The following KY variants were observed in gnomAD, a reference collection of about 807,000 sequenced individuals.
KY encodes the protein kyphoscoliosis peptidase.
Under a neutral mutation model 76.1 loss-of-function variants are expected in KY, and 43 were observed. That is an observed-to-expected ratio of 0.57 (90% CI 0.44 to 0.73). The LOEUF is 0.73. KY is among the 30% of genes least tolerant of loss of function. The pLI, the probability that KY is intolerant of heterozygous loss-of-function variation, is 0.00. For missense variants in KY, 722 were observed against 828.9 expected (o/e 0.87, Z 1.58); for synonymous variants, 277 against 326.2 (o/e 0.85, Z 1.63).
chr3:134,649,212 C>T (rs1379747583), intron 1 of KY, among the ~76,000 whole-genome samples: 1 of 152,148 alleles, frequency 6.6e-6, no homozygotes, highest in Non-Finnish European at 1.5e-5. Flanking sequence ...CAGAAAGGGC[C>T]CAGCCATTAG....
intron 10 of KY, 149 bp downstream of exon 10, chr3:134,608,500 C>T: frequency 6.4e-7 from 1 of 1,555,802 alleles, no homozygotes; most frequent in African/African-American, 1.3e-5. Flanking sequence ...TCCACTCATC[C>T]ACATGCACAC....
intron 1 of KY, among the ~76,000 whole-genome samples, chr3:134,650,521 A>G (rs990577411): frequency 2.6e-5 from 4 of 152,116 alleles, no homozygotes; most frequent in African/African-American, 9.7e-5. Context: ...GTATCTTCCA[A>G]TCTTGCTCTA....
At chr3:134,644,552 C>A (rs1183218140) in intron 2 of KY, among the ~76,000 whole-genome samples, 1 of 152,216 alleles carries the variant, frequency 6.6e-6, no homozygotes, top group Non-Finnish European at 1.5e-5. Flanking sequence ...CTCTGGCCTG[C>A]CATCTTCTCT....
chr3:134,646,683 G>C (rs1966479155), intron 2 of KY, among the ~76,000 whole-genome samples: 1 of 152,128 alleles, frequency 6.6e-6, no homozygotes, highest in Non-Finnish European at 1.5e-5. Flanking sequence ...ATGGAGGGTG[G>C]TTCCTTTACA....
At chr3:134,616,864 G>A (rs1316802728) in intron 8 of KY, among the ~76,000 whole-genome samples, 3 of 152,138 alleles carry the variant, frequency 2.0e-5, no homozygotes, top group South Asian at 2.1e-4. Context: ...CCCCAAAATC[G>A]GGTTGGTAAC....
At chr3:134,631,692 A>T (rs568118257) in intron 3 of KY, among the ~76,000 whole-genome samples, 46 of 152,282 alleles carry the variant, frequency 3.0e-4, no homozygotes, top group African/African-American at 1.0e-3. Flanking sequence ...CATATAATAC[A>T]TACAAAAATA....
intron 3 of KY, among the ~76,000 whole-genome samples, chr3:134,635,493 T>TAAAAAAA (rs10647203): frequency 3.8e-5 from 3 of 79,332 alleles, no homozygotes; most frequent in African/African-American, 9.8e-5. Flanking sequence ...CGAGACTCTG[T>TAAAAAAA]AAAAAAAAAA....
At chr3:134,629,580 C>T in intron 4 of KY, 41 bp downstream of exon 4, 5 of 1,509,558 alleles carry the variant, frequency 3.3e-6, no homozygotes, top group Non-Finnish European at 4.5e-6. Flanking sequence ...CTTCAATCCT[C>T]TCTGCCAGCC....
Position 134,629,646 on chromosome 3 carries a change from C to A in KY, c.312G>T (p.Leu104=), listed in dbSNP as rs1163489820. Residue 104 remains leucine (L), a synonymous_variant, in exon 4 of 11, where the codon CTG becomes CTT. Transcript: ENST00000423778. ...EVHPRDAMPQ[L]LKKFSLAKRL... ...GTTTAGCCAAGGAGAACTTCTTGAG[C>A]AGCTGGGGCATGGCATCTCGAGGGT... The A allele has an allele frequency of 6.2e-7, 1 of 1,601,934 alleles. No homozygotes were observed. The highest frequency in any genetic ancestry group is 1.1e-5 in the South Asian group (1 of 88,352).
At chr3:134,647,871 T>G (rs1966615166) in intron 1 of KY, among the ~76,000 whole-genome samples, 1 of 152,226 alleles carries the variant, frequency 6.6e-6, no homozygotes, top group Admixed American at 6.5e-5. Flanking sequence ...CACCCACTTT[T>G]AGAGTCTTGA....
chr3:134,646,695 T>C (rs894117136), intron 2 of KY, among the ~76,000 whole-genome samples: 2 of 152,162 alleles, frequency 1.3e-5, no homozygotes, highest in Non-Finnish European at 1.5e-5. Context: ...TCCTTTACAC[T>C]GGCATTTGAT....
intron 3 of KY, among the ~76,000 whole-genome samples, chr3:134,639,116 T>C (rs527392187): frequency 3.5e-5 from 5 of 141,700 alleles, no homozygotes; most frequent in Non-Finnish European, 7.5e-5. Flanking sequence ...GGAAAACAGC[T>C]AAAGCATTGG....
intron 8 of KY, among the ~76,000 whole-genome samples, chr3:134,616,468 G>A (rs1228339038): frequency 6.6e-6 from 1 of 152,176 alleles, no homozygotes; most frequent in African/African-American, 2.4e-5. Context: ...CAAACTTTTG[G>A]CAGTTATTTT....
intron 2 of KY, among the ~76,000 whole-genome samples, chr3:134,646,799 C>G (rs1158481556): frequency 1.3e-5 from 2 of 152,112 alleles, no homozygotes; most frequent in African/African-American, 4.8e-5. Flanking sequence ...TCTATTAGAA[C>G]CTTCACGTGC....
chr3:134,630,915 A>G (rs1964129936), intron 3 of KY, among the ~76,000 whole-genome samples: 1 of 152,244 alleles, frequency 6.6e-6, no homozygotes, highest in Non-Finnish European at 1.5e-5. Context: ...AAGAAGATAT[A>G]AAGGAGAAGT....
chr3:134,646,538 T>C (rs930789364), intron 2 of KY, among the ~76,000 whole-genome samples: 1 of 152,232 alleles, frequency 6.6e-6, no homozygotes, highest in African/African-American at 2.4e-5. Flanking sequence ...GTAAGCACTA[T>C]AGGCATTTGT....
chr3:134,601,310 C>G lies in KY; in HGVS notation c.*2269G>C, dbSNP rs995825581. ...GTGCTTTGAGGGGCGGGGCCTCCCT[C>G]TCTGGTGCTGGGGACAGCTCCTATT... On this transcript the variant is annotated 3_prime_UTR_variant, in exon 11 of 11. Coordinates refer to ENST00000423778, the MANE Select transcript of KY (RefSeq NM_178554.6). Among the ~76,000 whole-genome samples, 2 of 152,122 alleles carry G rather than the reference C, an allele frequency of 1.3e-5. No individual in the cohort carries two copies. Among genetic ancestry groups the G allele is most frequent in the African/African-American group, 2.4e-5 (1 of 41,420 alleles).
rs779427857 is a variant in KY at position 134,604,461 on chromosome 3, G to A, written c.1104C>T (p.Ala368=). 6.2e-7 allele frequency: 1 copy of A among 1,605,746 alleles called. No homozygotes were observed. The highest frequency in any genetic ancestry group is 1.7e-5 in the Admixed American group (1 of 59,710). ...TSMIRTVNGK[A]TVTIESCAPT... ...GGGCGCAGCTCTCAATGGTGACCGTGGCCTTCCCATTCACTGAGGAGAGAA... is the reference window on the plus strand; with the variant it reads ...GGGCGCAGCTCTCAATGGTGACCGTAGCCTTCCCATTCACTGAGGAGAGAA... Residue 368 remains alanine (A), a synonymous_variant, in exon 11 of 11, where the codon GCC becomes GCT. Transcript: ENST00000423778.
chr3:134,639,618 G>A (rs2107978722), intron 3 of KY, among the ~76,000 whole-genome samples: 1 of 152,212 alleles, frequency 6.6e-6, no homozygotes, highest in South Asian at 2.1e-4. Flanking sequence ...TGACCTTGAG[G>A]ACAGAAGCCT....
Sources: allele counts gnomAD v4.1 joint callset (sites outside exome capture counted in the v4.1 genomes callset), GRCh38; gene constraint gnomAD v4.1.1; transcripts MANE v1.5; gene names NCBI Gene and HGNC (gene_info 2026-07-23, HGNC 2026-07-21).